The following OAS3 variants were observed in gnomAD, a reference collection of about 807,000 sequenced individuals.
OAS3 encodes the protein 2'-5'-oligoadenylate synthase 3.
In OAS3, 107 loss-of-function variants were observed where a neutral mutation model predicts 113.0. The ratio of observed to expected loss-of-function variants is 0.95; its 90% CI spans 0.81 to 1.11. The LOEUF is 1.11. Among genes scored for constraint, OAS3 ranks in the 50% most tolerant of loss-of-function variants. The pLI, the probability that OAS3 is intolerant of heterozygous loss-of-function variation, is 0.00. For missense variants in OAS3, 1,258 were observed against 1,389.1 expected, an observed-to-expected ratio of 0.91 and a Z score of 1.50; for synonymous variants, 552 against 573.6, an observed-to-expected ratio of 0.96 and a Z score of 0.54.
At chr12:112,945,044 G>A in intron 3 of OAS3, 1 of 301,532 alleles carries the variant, frequency 3.3e-6, no homozygotes, top group Non-Finnish European at 6.5e-6. Context: ...AGGTGCAGTG[G>A]CTCATGGCTG....
intron 1 of OAS3, among the ~76,000 whole-genome samples, chr12:112,940,610 C>T (rs1322195004): frequency 6.6e-6 from 1 of 152,202 alleles, no homozygotes; most frequent in African/African-American, 2.4e-5. Flanking sequence ...CAGTTCTGTA[C>T]CCATTCTGAG....
In OAS3 at chr12:112,968,096, G is replaced by T. The variant is rs780147028; in HGVS notation, c.3026G>T (p.Cys1009Phe). 6.2e-7 allele frequency: 1 copy of T among 1,613,980 alleles called. No individual in the cohort carries two copies. Among genetic ancestry groups the T allele is most frequent in the Non-Finnish European group, 8.5e-7 (1 of 1,179,874 alleles). ...CTGGTCACCCAGTACCGCCAGCTCT[G>T]TATCTACTGGACCATCAACTACAAC... ...LELVTQYRQL[C>F]IYWTINYNAK... The change falls in exon 14 of 16, where the codon TGT becomes TTT. Residue 1009 changes from cysteine (C) to phenylalanine (F), a missense_variant. Physicochemically the swap from Cys to Phe is radical, Grantham distance 205. Coordinates refer to ENST00000228928, the MANE Select transcript of OAS3 (RefSeq NM_006187.4).
rs1565976029 is a variant in OAS3 at position 112,948,068 on chromosome 12, T to A, written c.998T>A (p.Met333Lys). The A allele has an allele frequency of 1.3e-6, 2 of 1,573,388 alleles. No homozygotes were observed. Among genetic ancestry groups the A allele is most frequent in the South Asian group, 1.2e-5 (1 of 85,498 alleles). Residue 333 changes from methionine (M) to lysine (K), a missense_variant, in exon 5 of 16, where the codon ATG (methionine) becomes AAG (lysine). By Grantham distance (95) the Met-to-Lys change is moderately conservative. Transcript: ENST00000228928. Reference protein sequence around the residue: ...CYDHPCFLRGMGDPVQSWKGP... With the variant: ...CYDHPCFLRGKGDPVQSWKGP... ...GACCACCCATGCTTTCTGAGGGGGA[T>A]GGGGGACCCAGTGCAGTCTTGGAAG...
chr12:112,942,284 T>C (rs1331773279), intron 2 of OAS3: 1 of 319,048 alleles, frequency 3.1e-6, no homozygotes, highest in African/African-American at 2.1e-5. Context: ...AATACACGTA[T>C]GCTTGAGTTA....
chr12:112,947,935 T>C lies in OAS3; in HGVS notation c.876-11T>C. The stretch of plus-strand genomic sequence containing the variant: ...GCTAACCAGAACCTTCTTGTCTCTC[T>C]GAAATTGCAGGCCTGTGATCCTGGA... On this transcript the variant is annotated splice_polypyrimidine_tract_variant and intron_variant, in intron 4 of 15. Coordinates refer to ENST00000228928, the MANE Select transcript of OAS3 (RefSeq NM_006187.4). 1 of 1,576,122 alleles carries C rather than the reference T, an allele frequency of 6.3e-7. No homozygotes were observed. Among genetic ancestry groups the C allele is most frequent in the Non-Finnish European group, 8.6e-7 (1 of 1,161,328 alleles).
At chr12:112,953,028 T>G (rs1009868617) in intron 7 of OAS3, among the ~76,000 whole-genome samples, 1 of 152,198 alleles carries the variant, frequency 6.6e-6, no homozygotes, top group Non-Finnish European at 1.5e-5. Context: ...AGGGTACATG[T>G]GCACAACATG....
rs2043979957 is a variant in OAS3 at position 112,971,080 on chromosome 12, G to A, written c.*1107G>A. 6.6e-6 allele frequency: 1 copy of A among 152,346 alleles called. No homozygotes were observed. Among genetic ancestry groups the A allele is most frequent in the Non-Finnish European group, 1.5e-5 (1 of 68,150 alleles). The allele number at this position is 152,346 out of a possible 1,614,324, so 9.4% of individuals were successfully genotyped here. ...CAACAACAGTGTCCACACTAGTCAA[G>A]GTTCAGCCCAGAAAACAGAAAGCAC... On this transcript the variant is annotated 3_prime_UTR_variant, in exon 16 of 16. Transcript: ENST00000228928.
Position 112,964,235 on chromosome 12 carries a change from C to T in OAS3, c.2230C>T (p.Pro744Ser), listed in dbSNP as rs2043913692. 2.5e-6 allele frequency: 4 copies of T among 1,583,610 alleles called. No homozygotes were observed. The highest frequency in any genetic ancestry group is 3.4e-6 in the Non-Finnish European group (4 of 1,164,428). ...GTSVQPWDVM[P>S]ALLYQTPAGD... ...GGCCCCACCTGGATTCTCTCTGCAG[C>T]CAGCCCTCCTTTACCAAACCCCAGC... is the stretch of plus-strand genomic sequence containing the variant. Residue 744 changes from proline to serine, a missense_variant and splice_region_variant, in exon 11 of 16, where the codon CCA (proline) becomes TCA (serine). Coordinates refer to ENST00000228928, the MANE Select transcript of OAS3 (RefSeq NM_006187.4).
At chr12:112,952,113 T>C (rs1301426500) in intron 7 of OAS3, among the ~76,000 whole-genome samples, 1 of 152,204 alleles carries the variant, frequency 6.6e-6, no homozygotes, top group African/African-American at 2.4e-5. Flanking sequence ...AATTTCTGAG[T>C]AAAATATCTT....
At chr12:112,962,570 C>A (rs1256040847) in intron 8 of OAS3, 82 bp from the exon 9 acceptor site, 6 of 1,480,942 alleles carry the variant, frequency 4.1e-6, no homozygotes, top group Admixed American at 2.0e-5. Context: ...TTTCTATATT[C>A]CCTTCCTGCC....
At chr12:112,943,718 A>T (rs1012794740) in intron 2 of OAS3, among the ~76,000 whole-genome samples, 1 of 152,080 alleles carries the variant, frequency 6.6e-6, no homozygotes, top group African/African-American at 2.4e-5. Context: ...TAAAAAAAAT[A>T]TATATTTTTT....
At chr12:112,967,023 T>C (rs1165332561) in intron 12 of OAS3, among the ~76,000 whole-genome samples, 1 of 152,226 alleles carries the variant, frequency 6.6e-6, no homozygotes, top group Admixed American at 6.5e-5. Flanking sequence ...TTAAGTGCAA[T>C]GTAACCAGAA....
Position 112,968,990 on chromosome 12 carries a change from T to C in OAS3, c.3105-618T>C, listed in dbSNP as rs537385692. ...AGTGGGGAGTGGCTACTTAGAATGATGTGTTGAAAAAGCTTCTAAGGTTGT... is the reference window on the plus strand; with the variant it reads ...AGTGGGGAGTGGCTACTTAGAATGACGTGTTGAAAAAGCTTCTAAGGTTGT... On this transcript the variant is annotated intron_variant, in intron 14 of 15. Coordinates refer to ENST00000228928, the MANE Select transcript of OAS3 (RefSeq NM_006187.4). Among the ~76,000 whole-genome samples the C allele has an allele frequency of 1.2e-3, 186 of 152,326 alleles. 1 individual carries two copies. Among genetic ancestry groups the C allele is most frequent in the African/African-American group, 4.3e-3 (178 of 41,564 alleles).
rs375010193 is a variant in OAS3 at position 112,946,927 on chromosome 12, G to A, written c.821G>A (p.Gly274Asp). ...TGTGTTTTCTGGACTGTCAACTATG[G>A]CTTCGAGGACCCTGCAGTTGGGCAG... The part of the protein sequence containing the change: ...HLCVFWTVNY[G>D]FEDPAVGQFL... The change falls in exon 4 of 16, where the codon GGC (glycine) becomes GAC (aspartate). Residue 274 changes from glycine (G) to aspartate (D), a missense_variant. Transcript: ENST00000228928. 27 of 1,613,906 alleles carry A rather than the reference G, an allele frequency of 1.7e-5. No individual in the cohort carries two copies. The highest frequency in any genetic ancestry group is 1.9e-5 in the Non-Finnish European group (23 of 1,179,900).
chr12:112,941,692 G>C lies in OAS3; in HGVS notation c.300G>C (p.Glu100Asp). Residue 100 changes from glutamate (E) to aspartate (D), a missense_variant, in exon 2 of 16, where the codon GAG becomes GAC. Glu to Asp is a conservative substitution (Grantham distance 45). Coordinates refer to ENST00000228928, the MANE Select transcript of OAS3 (RefSeq NM_006187.4). ...QRARRAEILS[E>D]MRASLESWWQ... Reference sequence around the variant, plus strand: ...CCCGCCGTGCAGAGATCCTCAGTGAGATGCGGGCATCGCTGGAATCCTGGT... The same window carrying C: ...CCCGCCGTGCAGAGATCCTCAGTGACATGCGGGCATCGCTGGAATCCTGGT... 6.2e-7 allele frequency: 1 copy of C among 1,614,080 alleles called. No individual in the cohort carries two copies. The highest frequency in any genetic ancestry group is 8.5e-7 in the Non-Finnish European group (1 of 1,179,902).
chr12:112,950,529 A>T, intron 6 of OAS3, 164 bp from the exon 7 acceptor site: 1 of 745,870 alleles, frequency 1.3e-6, no homozygotes, highest in Non-Finnish European at 2.2e-6. Flanking sequence ...TCACAATTCT[A>T]AGAGGTCACA....
At chr12:112,952,214 A>G (rs1209196909) in intron 7 of OAS3, among the ~76,000 whole-genome samples, 1 of 152,226 alleles carries the variant, frequency 6.6e-6, no homozygotes, top group Non-Finnish European at 1.5e-5. Context: ...GTTATTGGGA[A>G]CATATAAGTG....
At position 112,965,800 on chromosome 12, in the gene OAS3, G is replaced by A; in HGVS notation, c.2460G>A (p.Val820=). ...ALRGRSDADL[V]VFLSCFSQFT... is the part of the protein sequence containing the mutation. ...GAGGCCGCTCAGATGCCGACCTCGT[G>A]GTGTTCCTCAGCTGCTTCAGCCAGT... is the stretch of plus-strand genomic sequence containing the variant. Residue 820 remains valine, a synonymous_variant, in exon 12 of 16, where the codon GTG becomes GTA. Coordinates refer to ENST00000228928, the MANE Select transcript of OAS3 (RefSeq NM_006187.4). 1 of 1,613,748 alleles carries A rather than the reference G, an allele frequency of 6.2e-7. No individual in the cohort carries two copies.
In OAS3 at chr12:112,963,482, A is replaced by G. The variant is rs1488245481; in HGVS notation, c.2229+25A>G. On this transcript the variant is annotated intron_variant, in intron 10 of 15. Transcript: ENST00000228928. The surrounding 1 kb of genome is among the most constrained non-coding windows in gnomAD (Gnocchi z 4.6). ...GGTAAGATGGAGGGTCCTGGGGGGCAGGGGGCCCTGCACCCTGCCTTCTAG... is the reference window on the plus strand; with the variant it reads ...GGTAAGATGGAGGGTCCTGGGGGGCGGGGGGCCCTGCACCCTGCCTTCTAG... The G allele has an allele frequency of 4.0e-6, 6 of 1,499,766 alleles. No individual in the cohort carries two copies. The highest frequency in any genetic ancestry group is 5.4e-6 in the Non-Finnish European group (6 of 1,117,694). The allele number at this position is 1,499,766 out of a possible 1,614,324, so 92.9% of individuals were successfully genotyped here.
Sources: gnomAD v4.1 joint callset for allele counts (sites outside exome capture counted in the v4.1 genomes callset) on GRCh38, gnomAD v4.1.1 for gene constraint, Gnocchi (gnomAD v3.1) non-coding constraint, MANE v1.5 for transcripts, NCBI Gene and HGNC (gene_info 2026-07-23, HGNC 2026-07-21) for gene names.